EXPH5: variants seen among roughly 807,000 people sequenced by gnomAD.
The protein encoded by EXPH5 is exophilin-5.
In EXPH5, 42 loss-of-function variants were observed where a neutral mutation model predicts 41.1. The ratio of observed to expected loss-of-function variants is 1.02; its 90% CI spans 0.80 to 1.32. EXPH5 has a LOEUF of 1.32. EXPH5 is among the 40% of genes most tolerant of loss of function. The pLI is 0.00. For synonymous variants in EXPH5, 798 were observed against 833.5 expected (o/e 0.96, Z 0.73); for missense variants, 2,298 against 2,314.5 (o/e 0.99, Z 0.15).
At chr11:108,558,296 C>T (rs2093998232) in intron 1 of EXPH5, among the ~76,000 whole-genome samples, 1 of 152,172 alleles carries the variant, frequency 6.6e-6, no homozygotes, top group Admixed American at 6.5e-5. Context: ...CACTATGTTG[C>T]CCTGGCTAGC....
At chr11:108,573,198 A>AAGAAAAAGAAAG (rs1456627760) in intron 1 of EXPH5, among the ~76,000 whole-genome samples, 1 of 108,226 alleles carries the variant, frequency 9.2e-6, no homozygotes, top group Non-Finnish European at 1.9e-5. Flanking sequence ...GAAAGAAAGA[A>AAGAAAAAGAAAG]AAAGAAAGAA....
chr11:108,574,656 A>G (rs2094074099), intron 1 of EXPH5, among the ~76,000 whole-genome samples: 1 of 152,122 alleles, frequency 6.6e-6, no homozygotes. Context: ...CAGGGGATGG[A>G]TCATGTGTGG....
At chr11:108,595,220 A>C (rs1440681936), upstream of EXPH5, among the ~76,000 whole-genome samples, 2 of 152,254 alleles carry the variant, frequency 1.3e-5, no homozygotes, top group Non-Finnish European at 2.9e-5. Flanking sequence ...TGTCTTTAGA[A>C]AGTTTGTAAT....
intron 3 of EXPH5, among the ~76,000 whole-genome samples, chr11:108,534,916 C>T (rs990852311): frequency 6.6e-6 from 1 of 152,252 alleles, no homozygotes; most frequent in African/African-American, 2.4e-5. Context: ...TGCTGCCTGC[C>T]TGACCTATGC....
chr11:108,517,493 G>C (rs1296342859), intron 5 of EXPH5, among the ~76,000 whole-genome samples: 2 of 152,330 alleles, frequency 1.3e-5, no homozygotes, highest in African/African-American at 4.8e-5. Context: ...AAGTGAAGCT[G>C]GTGGCGACTT....
At chr11:108,540,938 G>A (rs887174853) in intron 2 of EXPH5, among the ~76,000 whole-genome samples, 12 of 151,244 alleles carry the variant, frequency 7.9e-5, no homozygotes, top group Admixed American at 4.0e-4. Flanking sequence ...CAGTCTTACC[G>A]CTGTTGCCCA....
intron 2 of EXPH5, among the ~76,000 whole-genome samples, chr11:108,539,397 A>G (rs1436740736): frequency 6.6e-6 from 1 of 152,142 alleles, no homozygotes; most frequent in African/African-American, 2.4e-5. Context: ...GAAAACTCAA[A>G]TTAGTAGGGA....
intron 1 of EXPH5, among the ~76,000 whole-genome samples, chr11:108,562,883 T>C (rs979973145): frequency 2.0e-5 from 3 of 152,216 alleles, no homozygotes; most frequent in African/African-American, 7.2e-5. Flanking sequence ...TGTGTGTACA[T>C]ATGTTCATTC....
intron 4 of EXPH5, among the ~76,000 whole-genome samples, chr11:108,519,871 A>C (rs1349707992): frequency 6.7e-6 from 1 of 149,004 alleles, no homozygotes; most frequent in Non-Finnish European, 1.5e-5. Context: ...GAATCGCTTG[A>C]ACCCGGGAGG....
intron 1 of EXPH5, among the ~76,000 whole-genome samples, chr11:108,583,391 A>T (rs905092452): frequency 1.3e-5 from 2 of 151,884 alleles, no homozygotes; most frequent in African/African-American, 4.8e-5. Flanking sequence ...AATAAAAAAA[A>T]AAATAAATAA....
rs766760968 is a variant in EXPH5, at chr11:108,511,600, G to A, written c.3907C>T (p.Arg1303Ter). 16 of 1,613,448 alleles carry A rather than the reference G, an allele frequency of 9.9e-6. No homozygotes were observed. The highest frequency in any genetic ancestry group is 1.4e-5 in the Non-Finnish European group (16 of 1,179,850). ...LEKDKQNYST[R>*]EQSGTPSCEN... ...CATGAAGGTGTTCCTGACTGCTCTC[G>A]TGTAGAATAATTCTGTTTGTCTTTT... The change falls in exon 6 of 6, where the codon CGA becomes TGA. Residue 1303 changes from arginine (R) to a stop codon, truncating the protein, a stop_gained. Transcript: ENST00000265843. LOFTEE classifies it low-confidence loss of function (END_TRUNC).
At chr11:108,552,553 C>T (rs2093971264) in intron 1 of EXPH5, among the ~76,000 whole-genome samples, 1 of 152,108 alleles carries the variant, frequency 6.6e-6, no homozygotes, top group South Asian at 2.1e-4. Flanking sequence ...ATAATAAAGC[C>T]CACTTCAACT....
intron 1 of EXPH5, among the ~76,000 whole-genome samples, chr11:108,590,933 G>T (rs150097267): frequency 1.5e-4 from 23 of 152,324 alleles, no homozygotes; most frequent in Middle Eastern, 6.8e-3. Flanking sequence ...GATTACAGGC[G>T]TGAGCCACCG....
At chr11:108,581,392 G>C (rs904728182) in intron 1 of EXPH5, among the ~76,000 whole-genome samples, 2 of 151,970 alleles carry the variant, frequency 1.3e-5, no homozygotes, top group African/African-American at 4.8e-5. Flanking sequence ...CCAACACAAG[G>C]AAATGATAAA....
chr11:108,528,207 T>C (rs2093812761), intron 3 of EXPH5, 23 bp from the exon 4 acceptor site: 1 of 1,591,960 alleles, frequency 6.3e-7, no homozygotes, highest in Non-Finnish European at 8.6e-7. Context: ...TTTGAAATGA[T>C]TTCTTTGAAG....
At chr11:108,549,461 C>T (rs953068081) in intron 1 of EXPH5, among the ~76,000 whole-genome samples, 2 of 152,286 alleles carry the variant, frequency 1.3e-5, no homozygotes, top group South Asian at 4.1e-4. Context: ...TCTTCTTTGT[C>T]TTTCCCAACT....
In EXPH5 at chr11:108,511,364, G is replaced by C; in HGVS notation, c.4143C>G (p.Asn1381Lys). Reference sequence around the variant, plus strand: ...GCAACTTTTTGCCTCTTTCCTTCTTGTTTTCTGAATCACCTAGAGGTGTTT... The same window carrying C: ...GCAACTTTTTGCCTCTTTCCTTCTTCTTTTCTGAATCACCTAGAGGTGTTT... ...LAKTPLGDSE[N>K]KKERGKKLQS... is the part of the protein sequence containing the mutation. The change falls in exon 6 of 6, where the codon AAC becomes AAG. Residue 1381 changes from asparagine (N) to lysine (K), a missense_variant. Asn to Lys is a moderately conservative substitution (Grantham distance 94). Transcript: ENST00000265843. 1 of 1,582,618 alleles carries C rather than the reference G, an allele frequency of 6.3e-7. No homozygotes were observed. Among genetic ancestry groups the C allele is most frequent in the East Asian group, 2.2e-5 (1 of 44,688 alleles).
chr11:108,589,339 G>A (rs1387009070), intron 1 of EXPH5, among the ~76,000 whole-genome samples: 3 of 152,154 alleles, frequency 2.0e-5, no homozygotes, highest in Admixed American at 6.5e-5. Flanking sequence ...ATGTGTAGGG[G>A]AGGCAGGAGG....
intron 1 of EXPH5, among the ~76,000 whole-genome samples, chr11:108,562,267 T>G (rs63350362): frequency 0.02 from 365 of 18,302 alleles, 6 homozygotes; most frequent in Middle Eastern, 0.1. Context: ...TTTTCTGTGT[T>G]TTTTTTTTTT....
Sources: gnomAD v4.1 joint callset for allele counts (sites outside exome capture counted in the v4.1 genomes callset) on GRCh38, gnomAD v4.1.1 for gene constraint, MANE v1.5 for transcripts, NCBI Gene and HGNC (gene_info 2026-07-23, HGNC 2026-07-21) for gene names.